MTHFD2L: variants seen among roughly 807,000 people sequenced by gnomAD.
MTHFD2L encodes the protein methylenetetrahydrofolate dehydrogenase (NADP+ dependent) 2 like.
A neutral mutation model predicts 34.9 loss-of-function variants in MTHFD2L; 29 were observed. The ratio of observed to expected loss-of-function variants is 0.83; its 90% CI spans 0.62 to 1.13. The LOEUF (loss-of-function observed/expected upper bound fraction) is 1.13. Among genes scored for constraint, MTHFD2L ranks in the 50% most tolerant of loss-of-function variants. The pLI is 0.00. For synonymous variants in MTHFD2L, 167 were observed against 155.7 expected (o/e 1.07, Z -0.54); for missense variants, 481 against 446.5 (o/e 1.08, Z -0.70).
chr4:74,168,756 G>A (rs538100300), intron 1 of MTHFD2L, among the ~76,000 whole-genome samples: 1 of 152,280 alleles, frequency 6.6e-6, no homozygotes, highest in South Asian at 2.1e-4. Context: ...TCTGGCTGCA[G>A]TATGGAAAAT....
At chr4:74,146,280 G>C (rs767822384) in intron 1 of MTHFD2L, among the ~76,000 whole-genome samples, 2 of 152,046 alleles carry the variant, frequency 1.3e-5, no homozygotes, top group African/African-American at 2.4e-5. Context: ...TATCAGACAA[G>C]ATCTGGTGTG....
At chr4:74,269,090 G>C (rs999577288) in intron 6 of MTHFD2L, among the ~76,000 whole-genome samples, 1 of 152,224 alleles carries the variant, frequency 6.6e-6, no homozygotes, top group Non-Finnish European at 1.5e-5. Context: ...TTATCAAAGA[G>C]ATTTTCACCT....
At chr4:74,153,026 A>G (rs1238754923) in intron 1 of MTHFD2L, among the ~76,000 whole-genome samples, 1 of 151,514 alleles carries the variant, frequency 6.6e-6, no homozygotes, top group Non-Finnish European at 1.5e-5. Context: ...CTTTGGCTCC[A>G]CTCCTGGTTT....
chr4:74,180,086 T>C (rs78005667), intron 3 of MTHFD2L, among the ~76,000 whole-genome samples: 309 of 152,252 alleles, frequency 2.0e-3, no homozygotes, highest in Non-Finnish European at 3.5e-3. Context: ...ACCTATGTTA[T>C]AGAATTTACT....
chr4:74,165,009 A>AT, intron 1 of MTHFD2L: 7 of 985,236 alleles, frequency 7.1e-6, no homozygotes, highest in Non-Finnish European at 8.4e-6. Context: ...AATGGATTTT[A>AT]TTTTTGATAT....
At chr4:74,181,169 G>A (rs758257829) in intron 3 of MTHFD2L, among the ~76,000 whole-genome samples, 1 of 152,016 alleles carries the variant, frequency 6.6e-6, no homozygotes, top group Non-Finnish European at 1.5e-5. Flanking sequence ...TTTGGTGCAG[G>A]GTGAATTTGA....
chr4:74,275,385 TA>T (rs1340107367), intron 6 of MTHFD2L, among the ~76,000 whole-genome samples: 1 of 152,144 alleles, frequency 6.6e-6, no homozygotes, highest in African/African-American at 2.4e-5. Flanking sequence ...TTTGTTATTG[TA>T]AATAGCGCTG....
At chr4:74,119,865 C>A (rs950164615), upstream of MTHFD2L, among the ~76,000 whole-genome samples, 1 of 152,146 alleles carries the variant, frequency 6.6e-6, no homozygotes, top group Non-Finnish European at 1.5e-5. Context: ...ATTCTCCAAG[C>A]CCTCTTTTTA....
intron 4 of MTHFD2L, among the ~76,000 whole-genome samples, chr4:74,200,966 T>C (rs1734317335): frequency 6.6e-6 from 1 of 152,202 alleles, no homozygotes; most frequent in Non-Finnish European, 1.5e-5. Flanking sequence ...AGTTAATATA[T>C]GTTAAAACTC....
In MTHFD2L at chr4:74,225,392, C is replaced by A; in HGVS notation, c.803C>A (p.Ala268Glu). 6.2e-7 allele frequency: 1 copy of A among 1,611,222 alleles called. No individual in the cohort carries two copies. Among genetic ancestry groups the A allele is most frequent in the East Asian group, 2.2e-5 (1 of 44,816 alleles). ...CTGGCAGATATTATCATAGTTGCTG[C>A]AGGTAAGTCCTTAGTGACTGTTATT... Reference protein sequence around the residue: ...TQLADIIIVAAGIPKLITSDM... With the variant: ...TQLADIIIVAEGIPKLITSDM... The change falls in exon 6 of 8, where the codon GCA becomes GAA. Residue 268 changes from alanine (A) to glutamate (E), a missense_variant and splice_region_variant. Ala to Glu is a moderately radical substitution (Grantham distance 107, BLOSUM62 -1). Coordinates refer to ENST00000325278, the MANE Select transcript of MTHFD2L (RefSeq NM_001144978.3).
intron 1 of MTHFD2L, among the ~76,000 whole-genome samples, chr4:74,140,739 G>T (rs1723228645): frequency 6.6e-6 from 1 of 152,204 alleles, no homozygotes; most frequent in South Asian, 2.1e-4. Flanking sequence ...AAGCAAAAGT[G>T]TCCTTCTTCA....
intron 6 of MTHFD2L, among the ~76,000 whole-genome samples, chr4:74,229,344 C>A (rs1265327): frequency 0.27 from 41,110 of 151,860 alleles, 6,072 homozygotes; most frequent in African/African-American, 0.39. Flanking sequence ...TGTGTGGGAA[C>A]TAAACAAATA....
At chr4:74,249,463 A>C (rs569583432) in intron 6 of MTHFD2L, among the ~76,000 whole-genome samples, 9 of 151,996 alleles carry the variant, frequency 5.9e-5, no homozygotes, top group African/African-American at 2.2e-4. Flanking sequence ...TTTTAGTTGG[A>C]GCATTTAGTC....
intron 7 of MTHFD2L, among the ~76,000 whole-genome samples, chr4:74,286,536 A>G (rs1297127331): frequency 6.6e-6 from 1 of 152,194 alleles, no homozygotes; most frequent in Non-Finnish European, 1.5e-5. Flanking sequence ...AACAGTATGT[A>G]GTCCTAGACT....
intron 1 of MTHFD2L, among the ~76,000 whole-genome samples, chr4:74,169,222 G>T (rs923293431): frequency 6.6e-6 from 1 of 152,174 alleles, no homozygotes; most frequent in South Asian, 2.1e-4. Context: ...AGTAAACCCT[G>T]AACAGTCTTA....
intron 6 of MTHFD2L, among the ~76,000 whole-genome samples, chr4:74,244,834 T>G (rs1004246349): frequency 2.0e-5 from 3 of 152,122 alleles, no homozygotes; most frequent in Admixed American, 2.0e-4. Flanking sequence ...CATAAAAGGC[T>G]AGTAAAACAC....
At chr4:74,120,734 C>A (rs756235765), upstream of MTHFD2L, among the ~76,000 whole-genome samples, 1 of 152,222 alleles carries the variant, frequency 6.6e-6, no homozygotes, top group Non-Finnish European at 1.5e-5. Context: ...GAGATGGACA[C>A]AGAGCACACA....
At chr4:74,167,167 A>G (rs567983758) in intron 1 of MTHFD2L, among the ~76,000 whole-genome samples, 2 of 152,340 alleles carry the variant, frequency 1.3e-5, no homozygotes, top group South Asian at 4.1e-4. Context: ...GAGTTGAAGC[A>G]TTAGGCCCAC....
intron 3 of MTHFD2L, among the ~76,000 whole-genome samples, chr4:74,185,485 G>A (rs1386206378): frequency 6.6e-6 from 1 of 151,932 alleles, no homozygotes; most frequent in Non-Finnish European, 1.5e-5. Context: ...GAACAGAGTA[G>A]AAATTAATGA....
Sources: gnomAD v4.1 joint callset for allele counts (sites outside exome capture counted in the v4.1 genomes callset) on GRCh38, gnomAD v4.1.1 for gene constraint, MANE v1.5 for transcripts, NCBI Gene and HGNC (gene_info 2026-07-23, HGNC 2026-07-21) for gene names.